Variants in EIF4G2 observed in about 807,000 individuals in gnomAD.
EIF4G2 encodes the protein DAP-5.
EIF4G2 carries 8 observed loss-of-function variants against 117.7 expected under a neutral mutation model. The observed-to-expected ratio is 0.07, with a 90% CI of 0.04 to 0.12. The LOEUF (loss-of-function observed/expected upper bound fraction) is 0.12. Ranked by LOEUF, EIF4G2 falls within the 10% of genes least tolerant of loss-of-function variation. The pLI is 1.00. For missense variants in EIF4G2, 812 were observed against 1,086.2 expected (o/e 0.75, Z 3.55); for synonymous variants, 413 against 367.8 (o/e 1.12, Z -1.41).
chr11:10,799,455 A>G (rs778368349), intron 19 of EIF4G2, 31 bp from the exon 20 acceptor site: 11 of 1,610,912 alleles, frequency 6.8e-6, no homozygotes, highest in Non-Finnish European at 9.3e-6. Flanking sequence ...TTAGAACCCA[A>G]CAGTGAGTTT....
Position 10,803,680 on chromosome 11 carries a change from T to G in EIF4G2, c.703-90A>C. Reference sequence around the variant, plus strand: ...TTCCCTTTATGTTTGCACTGACTCATTCACAGTTCCTACAGAATCTAGTAT... The same window carrying G: ...TTCCCTTTATGTTTGCACTGACTCAGTCACAGTTCCTACAGAATCTAGTAT... On this transcript the variant is annotated intron_variant, in intron 8 of 21. Coordinates refer to ENST00000339995, the MANE Select transcript of EIF4G2 (RefSeq NM_001418.4). The surrounding 1 kb of genome is among the most constrained non-coding windows in gnomAD (Gnocchi z 4.0). 3.2e-6 allele frequency: 4 copies of G among 1,252,168 alleles called. No individual in the cohort carries two copies. The highest frequency in any genetic ancestry group is 4.6e-6 in the Non-Finnish European group (4 of 872,270). The allele number at this position is 1,252,168 out of a possible 1,614,324, so 77.6% of individuals were successfully genotyped here.
Position 10,803,090 on chromosome 11 carries a change from G to C in EIF4G2, c.936C>G (p.Arg312=). 6.2e-7 allele frequency: 1 copy of C among 1,610,754 alleles called. No homozygotes were observed. Among genetic ancestry groups the C allele is most frequent in the Non-Finnish European group, 8.5e-7 (1 of 1,178,166 alleles). ...TTGGTCCATTGTCAAGAAAAGCCTT[G>C]CGAGGAACCCAATGGTGTTCTCGCA... The change falls in exon 11 of 22, where the codon CGC becomes CGG. Residue 312 remains arginine, a synonymous_variant. Coordinates refer to ENST00000339995, the MANE Select transcript of EIF4G2 (RefSeq NM_001418.4). The surrounding 1 kb of genome is among the most constrained non-coding windows in gnomAD (Gnocchi z 4.0).
At chr11:10,799,468 T>C (rs1393915213) in intron 19 of EIF4G2, 44 bp from the exon 20 acceptor site, 2 of 1,610,758 alleles carry the variant, frequency 1.2e-6, no homozygotes, top group Middle Eastern at 1.7e-4. Flanking sequence ...GTGAGTTTTC[T>C]TGCTCAAGAG....
chr11:10,804,636 A>G (rs2135416969), intron 5 of EIF4G2: 1 of 639,202 alleles, frequency 1.6e-6, no homozygotes, highest in Non-Finnish European at 2.6e-6. Flanking sequence ...TGCATTTCCA[A>G]GACCTAAATA....
rs1279780844 is a variant in EIF4G2, at chr11:10,797,986, A to C, written c.2659-105T>G. 5 of 976,450 alleles carry C rather than the reference A, an allele frequency of 5.1e-6. No homozygotes were observed. Among genetic ancestry groups the C allele is most frequent in the Non-Finnish European group, 7.9e-6 (5 of 632,720 alleles). 60.5% of individuals were successfully genotyped at this position (976,450 alleles called of 1,614,324 possible). ...CAGTTTTAGAATATGAAACAAGGAT[A>C]TCCCTACCAACAATTTGTATATTAA... On this transcript the variant is annotated intron_variant, in intron 21 of 21. Coordinates refer to ENST00000339995, the MANE Select transcript of EIF4G2 (RefSeq NM_001418.4). The surrounding 1 kb of genome is among the most constrained non-coding windows in gnomAD (Gnocchi z 4.5).
Position 10,799,630 on chromosome 11 carries a change from G to A in EIF4G2, c.2246C>T (p.Thr749Ile). 1 of 1,614,064 alleles carries A rather than the reference G, an allele frequency of 6.2e-7. No individual in the cohort carries two copies. Residue 749 changes from threonine to isoleucine, a missense_variant, in exon 19 of 22, where the codon ACC becomes ATC. By Grantham distance (89) the Thr-to-Ile change is moderately conservative. Around this residue, in one of 4 missense-constraint regions of EIF4G2, gnomAD observed 571 missense variants for 642.3 expected, o/e 0.89. Transcript: ENST00000339995. ...GTTATCTTTAATCCATTTATATATGGTTTGAGGGGATGGATCCAACTTTAT... is the reference window on the plus strand; with the variant it reads ...GTTATCTTTAATCCATTTATATATGATTTGAGGGGATGGATCCAACTTTAT...
chr11:10,803,120 T>C lies in EIF4G2; in HGVS notation c.906A>G (p.Val302=), dbSNP rs751422175. Reference sequence around the variant, plus strand: ...GAACCCAATGGTGTTCTCGCAACTCTACGGTATCCTTTAATTGAAAAATAA... The same window carrying C: ...GAACCCAATGGTGTTCTCGCAACTCCACGGTATCCTTTAATTGAAAAATAA... Residue 302 remains valine, a synonymous_variant, in exon 11 of 22, where the codon GTA becomes GTG. Coordinates refer to ENST00000339995, the MANE Select transcript of EIF4G2 (RefSeq NM_001418.4). The surrounding 1 kb of genome is among the most constrained non-coding windows in gnomAD (Gnocchi z 4.0). 1 of 1,608,820 alleles carries C rather than the reference T, an allele frequency of 6.2e-7. No homozygotes were observed. The highest frequency in any genetic ancestry group is 1.1e-5 in the South Asian group (1 of 89,508).
intron 6 of EIF4G2, 36 bp from the exon 7 acceptor site, chr11:10,804,239 A>G (rs751191346): frequency 6.2e-7 from 1 of 1,612,948 alleles, no homozygotes; most frequent in African/African-American, 1.3e-5. Context: ...TTATTAAGGA[A>G]ATTTTTCAAG....
chr11:10,800,610 G>C lies in EIF4G2; in HGVS notation c.1682C>G (p.Ala561Gly). The C allele has an allele frequency of 6.2e-7, 1 of 1,614,114 alleles. No homozygotes were observed. Among genetic ancestry groups the C allele is most frequent in the Non-Finnish European group, 8.5e-7 (1 of 1,180,030 alleles). The change falls in exon 17 of 22, where the codon GCA becomes GGA. Residue 561 changes from alanine to glycine, a missense_variant. By Grantham distance (60) the Ala-to-Gly change is moderately conservative. Coordinates refer to ENST00000339995, the MANE Select transcript of EIF4G2 (RefSeq NM_001418.4). ...TCTTACACCATTGACAGCCTCATTT[G>C]CATTTCCACTATTTAGATATTCAGT... is the stretch of plus-strand genomic sequence containing the variant.
At chr11:10,799,852 G>T (rs1847367175) in intron 18 of EIF4G2, 96 bp from the exon 19 acceptor site, 6 of 1,403,352 alleles carry the variant, frequency 4.3e-6, no homozygotes, top group Admixed American at 2.3e-5. Flanking sequence ...CCCCAAGTAT[G>T]TAAGATCCAT....
intron 1 of EIF4G2, chr11:10,808,136 C>T (rs914299818): frequency 1.9e-6 from 2 of 1,054,052 alleles, no homozygotes; most frequent in African/African-American, 1.7e-5. Context: ...TCCAAGCGGG[C>T]CCCCTCCTGC....
At position 10,804,915 on chromosome 11, in the gene EIF4G2, G is replaced by A; in HGVS notation, c.349C>T (p.Leu117=). Residue 117 remains leucine (L), a splice_region_variant and synonymous_variant, in exon 5 of 22, where the codon CTG becomes TTG. Transcript: ENST00000339995. The stretch of plus-strand genomic sequence containing the variant: ...TTAAGCCAATATTTAAAACTTACCA[G>A]CAGTATGACCCCTTTAAGGATGAGT... The A allele has an allele frequency of 2.5e-6, 4 of 1,612,090 alleles. No homozygotes were observed. The highest frequency in any genetic ancestry group is 3.4e-6 in the Non-Finnish European group (4 of 1,178,324).
In EIF4G2 at chr11:10,802,194, G is replaced by C. The variant is rs1396551691; in HGVS notation, c.1154C>G (p.Thr385Ser). Residue 385 changes from threonine to serine, a missense_variant, in exon 13 of 22, where the codon ACT becomes AGT. This residue lies in a region of EIF4G2 where 571 missense variants were observed against 642.3 expected (regional missense o/e 0.89). Coordinates refer to ENST00000339995, the MANE Select transcript of EIF4G2 (RefSeq NM_001418.4). Reference sequence around the variant, plus strand: ...TCTATCCTGGATAACTCCTGGACCAGTACCAATTCCGCTACCTTAAAATAC... The same window carrying C: ...TCTATCCTGGATAACTCCTGGACCACTACCAATTCCGCTACCTTAAAATAC... 1 of 1,614,072 alleles carries C rather than the reference G, an allele frequency of 6.2e-7. No individual in the cohort carries two copies. The highest frequency in any genetic ancestry group is 8.5e-7 in the Non-Finnish European group (1 of 1,180,008).
intron 4 of EIF4G2, among the ~76,000 whole-genome samples, chr11:10,805,662 A>C (rs1590044577): frequency 6.6e-6 from 1 of 152,080 alleles, no homozygotes; most frequent in South Asian, 2.1e-4. Flanking sequence ...CATGTTGGCC[A>C]GGCTGGTCTC....
At position 10,797,649 on chromosome 11, in the gene EIF4G2, T is replaced by C; in HGVS notation, c.*167A>G. The C allele has an allele frequency of 1.5e-6, 1 of 687,842 alleles. No individual in the cohort carries two copies. Among genetic ancestry groups the C allele is most frequent in the Non-Finnish European group, 2.5e-6 (1 of 396,644 alleles). The allele number at this position is 687,842 out of a possible 1,614,324, so 42.6% of individuals were successfully genotyped here. On this transcript the variant is annotated 3_prime_UTR_variant, in exon 22 of 22. Transcript: ENST00000339995. This position sits in a 1 kb window ranked among gnomAD's most constrained non-coding sequence, Gnocchi z 4.5. ...TTGATGGTAGACTATGATTAAGACA[T>C]TACACTACAAAAAAACCTTATGCAG...
In EIF4G2 at chr11:10,800,728, T is replaced by A. The variant is rs889717713; in HGVS notation, c.1644+3A>T. ...ACACTAAAATGGGATATTTGAAACT[T>A]ACAGTTAGTTTAAGGAGTTCTTCCT... On this transcript the variant is annotated splice_donor_region_variant and intron_variant, in intron 16 of 21. Coordinates refer to ENST00000339995, the MANE Select transcript of EIF4G2 (RefSeq NM_001418.4). 3.7e-6 allele frequency: 6 copies of A among 1,614,066 alleles called. No individual in the cohort carries two copies. In the African/African-American group the frequency reaches 8.0e-5, roughly 22 times the overall value.
chr11:10,804,872 T>A, intron 5 of EIF4G2, 41 bp downstream of exon 5: 9 of 1,523,658 alleles, frequency 5.9e-6, no homozygotes, highest in Non-Finnish European at 7.3e-6. Flanking sequence ...TGTTAAACAG[T>A]TCCCTCTCCC....
rs1346157972 is a variant in EIF4G2, at chr11:10,801,643, T to C, written c.1413+18A>G. 6.2e-7 allele frequency: 1 copy of C among 1,604,442 alleles called. No homozygotes were observed. ...GAATGGACAAACTATGGTATATAAG[T>C]AACATAGGCAAATGTACCTCATCTG... is the stretch of plus-strand genomic sequence containing the variant. On this transcript the variant is annotated intron_variant, in intron 14 of 21. Transcript: ENST00000339995.
chr11:10,806,952 AT>A, intron 2 of EIF4G2, 67 bp from the exon 3 acceptor site: 2 of 1,570,412 alleles, frequency 1.3e-6, no homozygotes, highest in Non-Finnish European at 1.7e-6. Flanking sequence ...ATAAGCATCT[AT>A]TTTGTGTTTT....
Sources: gnomAD v4.1 joint callset for allele counts (sites outside exome capture counted in the v4.1 genomes callset) on GRCh38, gnomAD v4.1.1 for gene constraint, gnomAD v4.1.1 regional missense constraint, Gnocchi (gnomAD v3.1) non-coding constraint, MANE v1.5 for transcripts, NCBI Gene and HGNC (gene_info 2026-07-23, HGNC 2026-07-21) for gene names.